Variants in IPO11 observed in about 807,000 individuals in gnomAD.
IPO11 encodes the protein importin 11.
IPO11 carries 66 observed loss-of-function variants against 143.2 expected under a neutral mutation model. The observed-to-expected ratio is 0.46, with a 90% CI of 0.38 to 0.57. The LOEUF (loss-of-function observed/expected upper bound fraction) is 0.57, where lower values mean the gene tolerates loss of function less well. Ranked by LOEUF, IPO11 falls within the 20% of genes least tolerant of loss-of-function variation. The pLI, the probability that IPO11 is intolerant of heterozygous loss-of-function variation, is 0.00. For missense variants in IPO11, 1,026 were observed against 1,141.0 expected (o/e 0.90, Z 1.45); for synonymous variants, 385 against 377.8 (o/e 1.02, Z -0.22).
At chr5:62,495,549 A>G (rs964818240) in intron 16 of IPO11, among the ~76,000 whole-genome samples, 3 of 152,152 alleles carry the variant, frequency 2.0e-5, no homozygotes, top group African/African-American at 4.8e-5. Context: ...ATCACGGCTC[A>G]TTGTAGCCTC....
rs1343141574 is a variant in IPO11, at chr5:62,450,054, T to A, written c.312+55T>A. On this transcript the variant is annotated intron_variant, in intron 4 of 29. Coordinates refer to ENST00000325324, the MANE Select transcript of IPO11 (RefSeq NM_016338.5). Reference sequence around the variant, plus strand: ...TTTTATTTGTACTGCTTTTCCAAACTAATTTTATATTCTGGCATTAAAATG... The same window carrying A: ...TTTTATTTGTACTGCTTTTCCAAACAAATTTTATATTCTGGCATTAAAATG... 4 of 1,083,948 alleles carry A rather than the reference T, an allele frequency of 3.7e-6. No individual in the cohort carries two copies. In the African/African-American group the frequency reaches 6.4e-5, roughly 17 times the overall value. 67.1% of individuals were successfully genotyped at this position (1,083,948 alleles called of 1,614,324 possible).
chr5:62,440,608 C>T (rs552446672), intron 2 of IPO11, among the ~76,000 whole-genome samples: 3 of 152,000 alleles, frequency 2.0e-5, no homozygotes, highest in East Asian at 2.0e-4. Context: ...CTGCCCACCT[C>T]GGCCTCCCAA....
Position 62,603,040 on chromosome 5 carries a change from T to C in IPO11, c.2763+1192T>C, listed in dbSNP as rs1745564039. ...TATAATAAGTCCTCATTTAACATCA[T>C]TGATAGTTTCTTGGAAACTGTAACT... On this transcript the variant is annotated intron_variant, in intron 29 of 29. Coordinates refer to ENST00000325324, the MANE Select transcript of IPO11 (RefSeq NM_016338.5). Among the ~76,000 whole-genome samples, 6 of 152,194 alleles carry C rather than the reference T, an allele frequency of 3.9e-5. No individual in the cohort carries two copies. In the South Asian group the frequency reaches 8.3e-4, roughly 21 times the overall value.
Position 62,550,423 on chromosome 5 carries a change from G to A in IPO11, c.2307G>A (p.Pro769=), listed in dbSNP as rs1022580756. 3 of 1,612,900 alleles carry A rather than the reference G, an allele frequency of 1.9e-6. No individual in the cohort carries two copies. Among genetic ancestry groups the A allele is most frequent in the African/African-American group, 1.3e-5 (1 of 74,884 alleles). ...TACTAGGTCCACAAATGTTTCAACC[G>A]ATTTTACCCTATGTTTTCAAGGGTA... ...NPILGPQMFQ[P]ILPYVFKGII... Residue 769 remains proline, a synonymous_variant, in exon 25 of 30, where the codon CCG becomes CCA. Transcript: ENST00000325324.
At chr5:62,496,503 A>G (rs1741165342) in intron 16 of IPO11, among the ~76,000 whole-genome samples, 2 of 152,186 alleles carry the variant, frequency 1.3e-5, no homozygotes, top group Admixed American at 6.5e-5. Flanking sequence ...AAGATTGTTC[A>G]GTAAGGCACC....
chr5:62,599,735 T>C (rs1274251967), intron 28 of IPO11, among the ~76,000 whole-genome samples: 1 of 152,254 alleles, frequency 6.6e-6, no homozygotes, highest in Non-Finnish European at 1.5e-5. Flanking sequence ...TAGTCATTCC[T>C]ATTTTAAACT....
chr5:62,585,331 G>A (rs1744730909), intron 27 of IPO11, among the ~76,000 whole-genome samples: 1 of 152,100 alleles, frequency 6.6e-6, no homozygotes, highest in African/African-American at 2.4e-5. Context: ...TAACACCATT[G>A]TCTAGAATCA....
At chr5:62,465,119 A>T (rs1348914299) in intron 5 of IPO11, among the ~76,000 whole-genome samples, 2 of 152,212 alleles carry the variant, frequency 1.3e-5, no homozygotes, top group Non-Finnish European at 2.9e-5. Context: ...TACAATAAGA[A>T]ATTTTACTGT....
chr5:62,586,752 C>CAA (rs763383085), intron 27 of IPO11, among the ~76,000 whole-genome samples: 3 of 60,486 alleles, frequency 5.0e-5, no homozygotes, highest in Admixed American at 2.6e-4. Flanking sequence ...ACTCAGTCTC[C>CAA]AAAAAAAAAA....
intron 29 of IPO11, among the ~76,000 whole-genome samples, chr5:62,619,808 G>A (rs1429135421): frequency 2.0e-5 from 3 of 151,312 alleles, no homozygotes; most frequent in African/African-American, 4.9e-5. Flanking sequence ...GAGCTGAGCC[G>A]AGATTGCGCC....
Position 62,494,039 on chromosome 5 carries a change from A to C in IPO11, c.1505A>C (p.Gln502Pro). Residue 502 changes from glutamine (Q) to proline (P), a missense_variant, in exon 16 of 30, where the codon CAG (glutamine) becomes CCG (proline). This residue lies in a region of IPO11 where 237 missense variants were observed against 288.0 expected (regional missense o/e 0.82). Coordinates refer to ENST00000325324, the MANE Select transcript of IPO11 (RefSeq NM_016338.5). ...CGCAGGGTGATTTGGCTCATCGGTCAGTGGATTTCTGTGAAATTCAAGTCT... is the reference window on the plus strand; with the variant it reads ...CGCAGGGTGATTTGGCTCATCGGTCCGTGGATTTCTGTGAAATTCAAGTCT... The part of the protein sequence containing the change: ...LRRRVIWLIG[Q>P]WISVKFKSDL... The C allele has an allele frequency of 6.2e-7, 1 of 1,613,444 alleles. No individual in the cohort carries two copies. Among genetic ancestry groups the C allele is most frequent in the Non-Finnish European group, 8.5e-7 (1 of 1,179,594 alleles).
chr5:62,562,053 C>T (rs1048970832), intron 27 of IPO11: 6 of 152,324 alleles, frequency 3.9e-5, no homozygotes, highest in South Asian at 2.1e-4. Flanking sequence ...GAGCCCCCTT[C>T]GTTTTCATAG....
chr5:62,520,382 T>A (rs1353338654), intron 20 of IPO11, among the ~76,000 whole-genome samples: 1 of 152,232 alleles, frequency 6.6e-6, no homozygotes, highest in Non-Finnish European at 1.5e-5. Flanking sequence ...CAGATTTTTT[T>A]TTTTTTAACA....
chr5:62,426,339 A>G (rs527417412), intron 1 of IPO11, among the ~76,000 whole-genome samples: 7 of 152,292 alleles, frequency 4.6e-5, no homozygotes, highest in Admixed American at 2.0e-4. Context: ...GTGAGCTCAG[A>G]TTGTGCCATA....
At chr5:62,613,240 T>C (rs1745992742) in intron 29 of IPO11, among the ~76,000 whole-genome samples, 1 of 151,794 alleles carries the variant, frequency 6.6e-6, no homozygotes, top group Admixed American at 6.6e-5. Context: ...AAGAGTCCCA[T>C]GGTAGATTTT....
At chr5:62,445,023 T>G (rs902999246) in intron 3 of IPO11, among the ~76,000 whole-genome samples, 1 of 152,008 alleles carries the variant, frequency 6.6e-6, no homozygotes, top group Non-Finnish European at 1.5e-5. Flanking sequence ...TAGCTTAAAT[T>G]TAAAAAGTTA....
intron 29 of IPO11, among the ~76,000 whole-genome samples, chr5:62,615,140 T>C (rs1419791991): frequency 1.3e-5 from 2 of 152,132 alleles, no homozygotes; most frequent in Admixed American, 1.3e-4. Context: ...ATGGAAACTT[T>C]TGGGCATGAA....
At position 62,566,579 on chromosome 5, in the gene IPO11, A is replaced by G. The variant is rs114119589; in HGVS notation, c.2582+5322A>G. Among the ~76,000 whole-genome samples, 674 of 152,088 alleles carry G rather than the reference A, an allele frequency of 4.4e-3. 7 individuals are homozygous for G. The highest frequency in any genetic ancestry group is 5.3e-3 in the Non-Finnish European group (361 of 68,000). ...AAAACCCCATCTCTACTAAAAAACA[A>G]TACAGAAAACTAACTGGGTATGGTG... On this transcript the variant is annotated intron_variant, in intron 27 of 29. Transcript: ENST00000325324.
chr5:62,601,462 A>T (rs1745504855), intron 28 of IPO11: 1 of 203,556 alleles, frequency 4.9e-6, no homozygotes, highest in Non-Finnish European at 9.7e-6. Flanking sequence ...TAAAGTGTAT[A>T]CATGCATTAC....
Sources: allele counts gnomAD v4.1 joint callset (sites outside exome capture counted in the v4.1 genomes callset), GRCh38; gene constraint gnomAD v4.1.1; regional missense constraint gnomAD v4.1.1; transcripts MANE v1.5; gene names NCBI Gene and HGNC (gene_info 2026-07-23, HGNC 2026-07-21).